Variants in ACAD9 observed in about 807,000 individuals in gnomAD.
ACAD9 encodes acyl-CoA dehydrogenase family member 9.
In ACAD9, 53 loss-of-function variants were observed where a neutral mutation model predicts 70.2. The ratio of observed to expected loss-of-function variants is 0.75; its 90% CI spans 0.61 to 0.95. The LOEUF (loss-of-function observed/expected upper bound fraction) is 0.95, where lower values mean the gene tolerates loss of function less well. Ranked by LOEUF, ACAD9 falls within the 40% of genes least tolerant of loss-of-function variation. The pLI is 0.00. For synonymous variants in ACAD9, 313 were observed against 312.1 expected (o/e 1.00, Z -0.03); for missense variants, 777 against 802.8 (o/e 0.97, Z 0.39).
intron 1 of ACAD9, among the ~76,000 whole-genome samples, chr3:128,881,557 T>G (rs1935094683): frequency 6.6e-6 from 1 of 152,210 alleles, no homozygotes; most frequent in Non-Finnish European, 1.5e-5. Flanking sequence ...CATTAACTGT[T>G]CTCTCTACTG....
At position 128,899,531 on chromosome 3, in the gene ACAD9, T is replaced by C. The variant is rs1356916009; in HGVS notation, c.808+70T>C. On this transcript the variant is annotated intron_variant, in intron 7 of 17. Coordinates refer to ENST00000308982, the MANE Select transcript of ACAD9 (RefSeq NM_014049.5). Reference sequence around the variant, plus strand: ...GGAGACTGGCCTTTGACGGTGTGTGTGTGTGTGTGTGTGTGTGTGTGTGTG... The same window carrying C: ...GGAGACTGGCCTTTGACGGTGTGTGCGTGTGTGTGTGTGTGTGTGTGTGTG... The C allele has an allele frequency of 9.4e-6, 11 of 1,167,206 alleles. No individual in the cohort carries two copies. In the African/African-American group the frequency reaches 1.4e-4, roughly 15 times the overall value. The allele number at this position is 1,167,206 out of a possible 1,614,324, so 72.3% of individuals were successfully genotyped here.
Position 128,884,750 on chromosome 3 carries a change from T to C in ACAD9, c.244+4T>C. 1.9e-6 allele frequency: 3 copies of C among 1,608,232 alleles called. No homozygotes were observed. Among genetic ancestry groups the C allele is most frequent in the Non-Finnish European group, 2.6e-6 (3 of 1,175,118 alleles). On this transcript the variant is annotated splice_donor_region_variant and intron_variant, in intron 2 of 17. Transcript: ENST00000308982. ...GAAAAATTCTTCACTGAAGAGGGTA[T>C]GTATGGTTTTCTTTACCATTGCCGA...
At chr3:128,887,646 T>TAA (rs1386267224) in intron 2 of ACAD9, among the ~76,000 whole-genome samples, 15 of 115,184 alleles carry the variant, frequency 1.3e-4, no homozygotes, top group East Asian at 4.6e-4. Flanking sequence ...AATAAATAAA[T>TAA]ATATATATAT....
In ACAD9 at chr3:128,912,682, CAGA is replaced by C. The variant is rs1936476871; in HGVS notation, c.*78_*80del. ...TGCTGGATGACTGTTACTCTTTTTT[CAGA>C]AGGTGTTGGGATTATCACAGGTTAA... On this transcript the variant is annotated 3_prime_UTR_variant, in exon 18 of 18. Coordinates refer to ENST00000308982, the MANE Select transcript of ACAD9 (RefSeq NM_014049.5). The C allele has an allele frequency of 4.6e-6, 6 of 1,302,660 alleles. No homozygotes were observed. Among genetic ancestry groups the C allele is most frequent in the African/African-American group, 2.9e-5 (2 of 68,726 alleles). The allele number at this position is 1,302,660 out of a possible 1,614,324, so 80.7% of individuals were successfully genotyped here.
chr3:128,892,138 GGATC>G (rs1489416054), intron 2 of ACAD9, among the ~76,000 whole-genome samples: 1 of 152,118 alleles, frequency 6.6e-6, no homozygotes, highest in Admixed American at 6.6e-5. Context: ...GTGGACAGAT[GGATC>G]GATCACAAAG....
At chr3:128,885,666 T>C (rs1454412118) in intron 2 of ACAD9, among the ~76,000 whole-genome samples, 2 of 152,160 alleles carry the variant, frequency 1.3e-5, no homozygotes, top group Admixed American at 6.5e-5. Flanking sequence ...GGGCTGGGAT[T>C]ACAGGTGTGA....
At chr3:128,883,683 C>T (rs789229) in intron 1 of ACAD9, among the ~76,000 whole-genome samples, 59,641 of 151,664 alleles carry the variant, frequency 0.39, 13,527 homozygotes, top group African/African-American at 0.62. Flanking sequence ...TCTATACCAC[C>T]TTCAGGGTGG....
chr3:128,880,558 T>G (rs1288245756), intron 1 of ACAD9, among the ~76,000 whole-genome samples: 1 of 151,982 alleles, frequency 6.6e-6, no homozygotes, highest in Non-Finnish European at 1.5e-5. Context: ...CTTTTTTTTT[T>G]TTTGTATTTT....
intron 2 of ACAD9, among the ~76,000 whole-genome samples, chr3:128,885,662 G>A (rs927381679): frequency 2.0e-5 from 3 of 152,080 alleles, no homozygotes; most frequent in South Asian, 2.1e-4. Flanking sequence ...CAAAGGGCTG[G>A]GATTACAGGT....
chr3:128,884,080 C>T (rs1302544095), intron 1 of ACAD9, among the ~76,000 whole-genome samples: 1 of 152,162 alleles, frequency 6.6e-6, no homozygotes, highest in East Asian at 1.9e-4. Context: ...GGAGAGACAG[C>T]GGCTGTAGGG....
chr3:128,887,725 G>A (rs1472382596), intron 2 of ACAD9, among the ~76,000 whole-genome samples: 1 of 150,640 alleles, frequency 6.6e-6, no homozygotes, highest in African/African-American at 2.4e-5. Context: ...AGGTCTCTTG[G>A]AATAAATAGC....
chr3:128,890,843 ATT>A (rs552712853), intron 2 of ACAD9, among the ~76,000 whole-genome samples: 9 of 143,444 alleles, frequency 6.3e-5, no homozygotes, highest in Admixed American at 2.1e-4. Context: ...TTTTAGAGCA[ATT>A]TTTTTTTTTT....
At chr3:128,911,412 G>C (rs1467854028) in intron 17 of ACAD9, among the ~76,000 whole-genome samples, 1 of 152,006 alleles carries the variant, frequency 6.6e-6, no homozygotes, top group African/African-American at 2.4e-5. Flanking sequence ...AGGACCCCTG[G>C]CATCTGCCCA....
chr3:128,897,393 A>T (rs1189218542), intron 5 of ACAD9, among the ~76,000 whole-genome samples: 1 of 152,034 alleles, frequency 6.6e-6, no homozygotes, highest in African/African-American at 2.4e-5. Context: ...TGTTGGCCAG[A>T]TCTCAATCTC....
chr3:128,895,805 T>C (rs999953612), intron 4 of ACAD9, among the ~76,000 whole-genome samples: 2 of 152,220 alleles, frequency 1.3e-5, no homozygotes, highest in Non-Finnish European at 2.9e-5. Context: ...TGGAGCACCT[T>C]AGGGCAGGCC....
In ACAD9 at chr3:128,912,951, G is replaced by C. The variant is rs768864332; in HGVS notation, c.*344G>C. ...CAGGGTGTGAGGTGGGTGGGGACCT[G>C]TGTCAGGTGTGGATAGCCATTTCTG... On this transcript the variant is annotated 3_prime_UTR_variant, in exon 18 of 18. Coordinates refer to ENST00000308982, the MANE Select transcript of ACAD9 (RefSeq NM_014049.5). 2 of 499,354 alleles carry C rather than the reference G, an allele frequency of 4.0e-6. No individual in the cohort carries two copies. Among genetic ancestry groups the C allele is most frequent in the South Asian group, 1.5e-5 (1 of 66,630 alleles). The allele number at this position is 499,354 out of a possible 1,614,324, so 30.9% of individuals were successfully genotyped here.
intron 2 of ACAD9, among the ~76,000 whole-genome samples, chr3:128,888,731 A>T (rs1935326785): frequency 6.6e-6 from 1 of 152,146 alleles, no homozygotes; most frequent in Admixed American, 6.5e-5. Flanking sequence ...ATCACAAATT[A>T]TATGTTGCTA....
intron 11 of ACAD9, 31 bp downstream of exon 11, chr3:128,904,536 T>G: frequency 6.2e-7 from 1 of 1,608,964 alleles, no homozygotes; most frequent in Non-Finnish European, 8.5e-7. Flanking sequence ...GAGCTGGCGC[T>G]GGAGGGAGGC....
In ACAD9 at chr3:128,895,379, C is replaced by T. The variant is rs1398622799; in HGVS notation, c.416C>T (p.Thr139Ile). 3 of 1,612,404 alleles carry T rather than the reference C, an allele frequency of 1.9e-6. No individual in the cohort carries two copies. Among genetic ancestry groups the T allele is most frequent in the Non-Finnish European group, 1.7e-6 (2 of 1,179,352 alleles). ...ATCATCAGCATGGATGGGTCCATCA[C>T]TGTGACCCTGGCAGCGCACCAGGCT... ...GEIISMDGSI[T>I]VTLAAHQAIG... The change falls in exon 4 of 18, where the codon ACT becomes ATT. Residue 139 changes from threonine (T) to isoleucine (I), a missense_variant. Physicochemically the swap from Thr to Ile is moderately conservative, Grantham distance 89. Transcript: ENST00000308982.
Sources: gnomAD v4.1 joint callset for allele counts (sites outside exome capture counted in the v4.1 genomes callset) on GRCh38, gnomAD v4.1.1 for gene constraint, MANE v1.5 for transcripts, NCBI Gene and HGNC (gene_info 2026-07-23, HGNC 2026-07-21) for gene names.